HEATR4: variants seen among roughly 807,000 people sequenced by gnomAD.
The protein encoded by HEATR4 is HEAT repeat containing 4.
In HEATR4, 95 loss-of-function variants were observed where a neutral mutation model predicts 108.8. The ratio of observed to expected loss-of-function variants is 0.87; its 90% confidence interval spans 0.74 to 1.04. The LOEUF is 1.04. Ranked by LOEUF, HEATR4 falls within the 50% of genes least tolerant of loss-of-function variation. HEATR4 has a pLI of 0.00. For missense variants in HEATR4, 1,152 were observed against 1,253.8 expected, an observed-to-expected ratio of 0.92 and a Z score of 1.23; for synonymous variants, 443 against 459.4, an observed-to-expected ratio of 0.96 and a Z score of 0.46.
chr14:73,613,518 T>A, the HEATR4 span, among the ~76,000 whole-genome samples: 1 of 152,100 alleles, frequency 6.6e-6, no homozygotes, highest in East Asian at 1.9e-4. Flanking sequence ...TTTAATTGTT[T>A]AAAAACACAC....
the HEATR4 span, chr14:73,619,846 A>G: frequency 6.3e-7 from 1 of 1,581,180 alleles, no homozygotes; most frequent in Non-Finnish European, 8.6e-7. Flanking sequence ...ATAACATTGT[A>G]GCCACAGACC....
At position 73,523,140 on chromosome 14, in the gene HEATR4, G is replaced by T. The variant is rs1269914480; in HGVS notation, c.13C>A (p.Gln5Lys). The change falls in exon 3 of 18, where the codon CAG (glutamine) becomes AAG (lysine). Residue 5 changes from glutamine (Q) to lysine (K), a missense_variant. Physicochemically the swap from Gln to Lys is moderately conservative, Grantham distance 53. Transcript: ENST00000553558. The part of the protein sequence containing the change: MTRT[Q>K]KGKTFLPHCF... ...TGGGGGAGAAAGGTCTTTCCCTTCT[G>T]GGTCCTGGTCATACCGCGTCCCAGC... 2 of 1,597,538 alleles carry T rather than the reference G, an allele frequency of 1.3e-6. No homozygotes were observed. Among genetic ancestry groups the T allele is most frequent in the South Asian group, 2.2e-5 (2 of 90,574 alleles).
chr14:73,602,331 G>T, the HEATR4 span, among the ~76,000 whole-genome samples: 1 of 152,190 alleles, frequency 6.6e-6, no homozygotes, highest in Non-Finnish European at 1.5e-5. Context: ...TATCATGAAT[G>T]CAGGATGTGG....
intron 2 of HEATR4, among the ~76,000 whole-genome samples, chr14:73,526,086 CT>C (rs887259281): frequency 8.5e-5 from 13 of 152,292 alleles, no homozygotes; most frequent in African/African-American, 3.1e-4. Flanking sequence ...CTATGCCCCC[CT>C]CCCTCACCTC....
rs1887091045 is a variant in HEATR4, at chr14:73,509,810, C to CTA, written c.1559-338_1559-337insTA. Reference sequence around the variant, plus strand: ...AAAGCAACCAATTTGCCCCATGAGCCCATATATATATATATATATATATAT... The same window carrying CTA: ...AAAGCAACCAATTTGCCCCATGAGCCTACATATATATATATATATATATATAT... On this transcript the variant is annotated intron_variant, in intron 7 of 17. Transcript: ENST00000553558. Among the ~76,000 whole-genome samples, 248 of 63,174 alleles carry CTA rather than the reference C, an allele frequency of 3.9e-3. 77 individuals are homozygous for CTA. Among genetic ancestry groups the CTA allele is most frequent in the East Asian group, 4.8e-3 (10 of 2,084 alleles). 41.4% of individuals were successfully genotyped at this position (63,174 alleles called of 152,430 possible). A position where few individuals can be genotyped will look rare whatever the true frequency, so the allele number is the denominator to read the frequency against.
chr14:73,491,170 A>G (rs1885699049), intron 17 of HEATR4: 2 of 1,602,118 alleles, frequency 1.2e-6, no homozygotes, highest in Non-Finnish European at 1.7e-6. Context: ...CCCGCATGGC[A>G]GCGCTGAGGA....
the HEATR4 span, among the ~76,000 whole-genome samples, chr14:73,567,064 C>T: frequency 3.3e-5 from 5 of 152,200 alleles, no homozygotes; most frequent in African/African-American, 1.2e-4. Flanking sequence ...GCCTCAGCCT[C>T]CCAAAGTTCT....
chr14:73,585,220 C>CATA, the HEATR4 span, among the ~76,000 whole-genome samples: 1 of 152,174 alleles, frequency 6.6e-6, no homozygotes, highest in Non-Finnish European at 1.5e-5. Context: ...GCTCATCTGC[C>CATA]ATAGCCCCTG....
At chr14:73,479,202 G>C (rs1032939000) in intron 17 of HEATR4, among the ~76,000 whole-genome samples, 1 of 151,636 alleles carries the variant, frequency 6.6e-6, no homozygotes, top group Non-Finnish European at 1.5e-5. Flanking sequence ...TGCCAGCTCC[G>C]CCTCCCGGGT....
the HEATR4 span, among the ~76,000 whole-genome samples, chr14:73,624,273 C>T: frequency 6.6e-6 from 1 of 152,028 alleles, no homozygotes; most frequent in Non-Finnish European, 1.5e-5. Flanking sequence ...CAGGCACACA[C>T]CACCACACCC....
chr14:73,584,948 GGCCCTCCAGATAACCCGCT>G, the HEATR4 span, among the ~76,000 whole-genome samples: 1 of 151,444 alleles, frequency 6.6e-6, no homozygotes, highest in Non-Finnish European at 1.5e-5. Flanking sequence ...TAACACCTTG[GGCCCTCCAGATAACCCGCT>G]GCTCCAGCCT....
At chr14:73,513,588 G>A (rs114875928) in intron 6 of HEATR4, among the ~76,000 whole-genome samples, 3,032 of 151,830 alleles carry the variant, frequency 0.02, 116 homozygotes, top group African/African-American at 0.069. Context: ...TTAACCAAGT[G>A]TGGTGGCGGG....
At position 73,523,052 on chromosome 14, in the gene HEATR4, A is replaced by G; in HGVS notation, c.101T>C (p.Leu34Ser). Residue 34 changes from leucine (L) to serine (S), a missense_variant, in exon 3 of 18, where the codon TTG becomes TCG. Leu to Ser is a moderately radical substitution (Grantham distance 145). Coordinates refer to ENST00000553558, the MANE Select transcript of HEATR4 (RefSeq NM_001220484.1). ...AGAGGCACACTCCTCCTTGCCTTTC[A>G]ATTTTGAGTAGTTTAAAATCATGCC... ...GWGMILNYSK[L>S]KGKEECASVS... 6.2e-7 allele frequency: 1 copy of G among 1,614,062 alleles called. No individual in the cohort carries two copies. Among genetic ancestry groups the G allele is most frequent in the Non-Finnish European group, 8.5e-7 (1 of 1,180,034 alleles).
chr14:73,501,652 C>T (rs1320670727), intron 11 of HEATR4, among the ~76,000 whole-genome samples: 1 of 147,746 alleles, frequency 6.8e-6, no homozygotes, highest in Non-Finnish European at 1.5e-5. Context: ...TGGCTCATGA[C>T]AGCTTTGGAC....
At chr14:73,494,279 C>G (rs1425365388) in intron 16 of HEATR4, among the ~76,000 whole-genome samples, 2 of 152,146 alleles carry the variant, frequency 1.3e-5, no homozygotes, top group Non-Finnish European at 2.9e-5. Context: ...AGCTGGTAGG[C>G]AGCTGGCTGA....
At chr14:73,511,560 TAAATAAAATA>T (rs367571614) in intron 7 of HEATR4, among the ~76,000 whole-genome samples, 29 of 89,044 alleles carry the variant, frequency 3.3e-4, no homozygotes, top group African/African-American at 1.0e-3. Flanking sequence ...AATAAATAAA[TAAATAAAATA>T]AAATAAAAAA....
chr14:73,569,389 T>G, the HEATR4 span: 1 of 1,613,986 alleles, frequency 6.2e-7, no homozygotes, highest in Admixed American at 1.7e-5. Context: ...TCTCCACAGC[T>G]GAGGCAGGTT....
chr14:73,568,525 G>A, the HEATR4 span, among the ~76,000 whole-genome samples: 1 of 151,732 alleles, frequency 6.6e-6, no homozygotes, highest in African/African-American at 2.4e-5. Flanking sequence ...GTAAACTGCC[G>A]CTGTACTCCA....
the HEATR4 span, chr14:73,619,876 C>A: frequency 6.6e-7 from 1 of 1,518,476 alleles, no homozygotes. Flanking sequence ...TAATAAAAAT[C>A]CTATTCATAC....
Sources: allele counts gnomAD v4.1 joint callset (sites outside exome capture counted in the v4.1 genomes callset), GRCh38; gene constraint gnomAD v4.1.1; transcripts MANE v1.5; gene names NCBI Gene and HGNC (gene_info 2026-07-23, HGNC 2026-07-21).